NFAM1: variants seen among roughly 807,000 people sequenced by gnomAD.
The protein encoded by NFAM1 is NFAT activating protein with ITAM motif 1, also known as NFAT activation molecule 1.
Under a neutral mutation model 29.0 loss-of-function variants are expected in NFAM1, and 17 were observed. The observed-to-expected ratio is 0.59, with a 90% CI of 0.40 to 0.88. The LOEUF (loss-of-function observed/expected upper bound fraction) is 0.88, where lower values mean the gene tolerates loss of function less well. Ranked by LOEUF, NFAM1 falls within the 40% of genes least tolerant of loss-of-function variation. The probability of loss-of-function intolerance (pLI) is 0.00; values close to 1 mark genes in which losing one functional copy is unlikely to be tolerated. For missense variants in NFAM1, 324 were observed against 344.6 expected (o/e 0.94, Z 0.47); for synonymous variants, 175 against 147.2 (o/e 1.19, Z -1.36).
At chr22:42,399,637 G>A (rs922367511) in intron 3 of NFAM1, among the ~76,000 whole-genome samples, 19 of 152,080 alleles carry the variant, frequency 1.2e-4, no homozygotes, top group African/African-American at 4.6e-4. Context: ...GAAAGCTCCC[G>A]CTGGTCACAG....
intron 4 of NFAM1, among the ~76,000 whole-genome samples, chr22:42,395,649 G>C (rs1929495294): frequency 6.6e-6 from 1 of 151,910 alleles, no homozygotes; most frequent in South Asian, 2.1e-4. Flanking sequence ...TTGGGAGGCT[G>C]AGGTGGGCGG....
At chr22:42,428,748 G>C (rs1930706101) in intron 1 of NFAM1, among the ~76,000 whole-genome samples, 1 of 152,192 alleles carries the variant, frequency 6.6e-6, no homozygotes. Flanking sequence ...ATACAGCCCA[G>C]AGTTCTGGAA....
intron 1 of NFAM1, among the ~76,000 whole-genome samples, chr22:42,427,775 A>C (rs1020132122): frequency 6.6e-6 from 1 of 152,242 alleles, no homozygotes; most frequent in Admixed American, 6.5e-5. Context: ...CACAAAGTTC[A>C]CAAACAGGCA....
At chr22:42,394,409 G>A (rs1929451266) in intron 4 of NFAM1, among the ~76,000 whole-genome samples, 1 of 151,892 alleles carries the variant, frequency 6.6e-6, no homozygotes, top group African/African-American at 2.4e-5. Flanking sequence ...TGCCAAGACT[G>A]TCTCAGACTC....
At chr22:42,427,885 T>TG (rs1569237212) in intron 1 of NFAM1, among the ~76,000 whole-genome samples, 2 of 151,978 alleles carry the variant, frequency 1.3e-5, no homozygotes, top group Admixed American at 1.3e-4. Context: ...GTACCTTTGG[T>TG]GGGGCACGGA....
chr22:42,402,602 C>CT (rs947151802), intron 3 of NFAM1, among the ~76,000 whole-genome samples: 3 of 152,186 alleles, frequency 2.0e-5, no homozygotes, highest in Non-Finnish European at 2.9e-5. Context: ...GCGGAGTGTG[C>CT]TGTGAGGCGG....
intron 1 of NFAM1, among the ~76,000 whole-genome samples, chr22:42,426,360 G>A (rs574973210): frequency 2.6e-5 from 4 of 152,300 alleles, no homozygotes; most frequent in East Asian, 1.9e-4. Flanking sequence ...AATGGGGTGC[G>A]TGGGGAGCAG....
At chr22:42,433,831 T>C (rs1259487416), upstream of NFAM1, among the ~76,000 whole-genome samples, 1 of 152,206 alleles carries the variant, frequency 6.6e-6, no homozygotes, top group Non-Finnish European at 1.5e-5. Flanking sequence ...TGCTTCACGC[T>C]ATTCCTGGCT....
At chr22:42,424,276 A>C (rs751390101) in intron 1 of NFAM1, among the ~76,000 whole-genome samples, 1 of 152,088 alleles carries the variant, frequency 6.6e-6, no homozygotes, top group Non-Finnish European at 1.5e-5. Flanking sequence ...TTAGACGAGC[A>C]TGGTGGCAGG....
In NFAM1 at chr22:42,385,191, G is replaced by T. The variant is rs776881176; in HGVS notation, c.783C>A (p.Gly261=). 2.7e-5 allele frequency: 43 copies of T among 1,612,746 alleles called. No homozygotes were observed. The highest frequency in any genetic ancestry group is 6.6e-5 in the South Asian group (6 of 91,062). The change falls in exon 6 of 6, where the codon GGC becomes GGA. Residue 261 remains glycine, a synonymous_variant. Transcript: ENST00000329021. The part of the protein sequence containing the change: ...QERPHRFEDD[G]ELNLVYENL ...GATTTTCATAGACCAGGTTAAGTTC[G>T]CCATCATCTTCGAATCTATGCGGTC...
rs2294362 is a variant in NFAM1 at position 42,380,603 on chromosome 22, A to G, written c.*4558T>C. ...AGACTGGGGAAGCCCCCTCAGGTGG[A>G]CAAATGACATCCCCTGGCATTGCAA... On this transcript the variant is annotated 3_prime_UTR_variant, in exon 6 of 6. Transcript: ENST00000329021. The G allele has an allele frequency of 0.55, 83,350 of 152,498 alleles. 23,054 individuals are homozygous for G. Among genetic ancestry groups the G allele is most frequent in the Admixed American group, 0.62 (9,413 of 15,292 alleles). 9.4% of individuals were successfully genotyped at this position (152,498 alleles called of 1,614,324 possible).
chr22:42,409,161 G>A lies in NFAM1; in HGVS notation c.564+274C>T, dbSNP rs145868442. ...CTAGAAATGGTAGGCAGGAGGGCCT[G>A]CAGCCTCTCCCAGGTTCTCAGAGGG... On this transcript the variant is annotated intron_variant, in intron 3 of 5. Coordinates refer to ENST00000329021, the MANE Select transcript of NFAM1 (RefSeq NM_145912.8). This position sits in a 1 kb window ranked among gnomAD's most constrained non-coding sequence, Gnocchi z 4.9. 5.9e-5 allele frequency among the ~76,000 whole-genome samples: 9 copies of A among 152,324 alleles called. No homozygotes were observed. The highest frequency in any genetic ancestry group is 1.9e-4 in the East Asian group (1 of 5,188).
At chr22:42,428,392 G>A (rs1930692237) in intron 1 of NFAM1, among the ~76,000 whole-genome samples, 1 of 152,206 alleles carries the variant, frequency 6.6e-6, no homozygotes, top group East Asian at 1.9e-4. Flanking sequence ...CGGGAAGGGA[G>A]GCAGGAGGTC....
rs1930348798 is a variant in NFAM1, at chr22:42,419,009, T to C, written c.122-7273A>G. Among the ~76,000 whole-genome samples the C allele has an allele frequency of 6.6e-6, 1 of 152,130 alleles. No homozygotes were observed. The highest frequency in any genetic ancestry group is 2.4e-5 in the African/African-American group (1 of 41,430). Reference sequence around the variant, plus strand: ...GGTGCCTGAGTCCTTCCTTTTCCGGTTCTTCTTATGAATCTGTGGCTGCTT... The same window carrying C: ...GGTGCCTGAGTCCTTCCTTTTCCGGCTCTTCTTATGAATCTGTGGCTGCTT... On this transcript the variant is annotated intron_variant, in intron 1 of 5. Transcript: ENST00000329021. This position sits in a 1 kb window ranked among gnomAD's most constrained non-coding sequence, Gnocchi z 4.5.
At chr22:42,432,576 G>C (rs371885483), upstream of NFAM1, among the ~76,000 whole-genome samples, 218 of 152,286 alleles carry the variant, frequency 1.4e-3, no homozygotes, top group African/African-American at 5.2e-3. Context: ...GCTGGAGACG[G>C]GACCCAAGCC....
At chr22:42,417,260 C>T (rs751163191) in intron 1 of NFAM1, among the ~76,000 whole-genome samples, 6 of 152,324 alleles carry the variant, frequency 3.9e-5, no homozygotes, top group Middle Eastern at 3.4e-3. Flanking sequence ...AGAACTGGGA[C>T]GCATTTGTGA....
At chr22:42,401,449 G>C (rs545125973) in intron 3 of NFAM1, among the ~76,000 whole-genome samples, 1 of 152,106 alleles carries the variant, frequency 6.6e-6, no homozygotes, top group Non-Finnish European at 1.5e-5. Context: ...CCACAGATGC[G>C]GGGTGGACTG....
At chr22:42,404,283 C>T (rs1292485352) in intron 3 of NFAM1, among the ~76,000 whole-genome samples, 1 of 152,094 alleles carries the variant, frequency 6.6e-6, no homozygotes, top group African/African-American at 2.4e-5. Flanking sequence ...AACCGCGGTT[C>T]GGGTCCACCC....
chr22:42,432,754 G>C (rs1313342504), upstream of NFAM1, among the ~76,000 whole-genome samples: 1 of 152,170 alleles, frequency 6.6e-6, no homozygotes, highest in African/African-American at 2.4e-5. Context: ...ACGACCACAA[G>C]CATGTTCACA....
Sources: allele counts gnomAD v4.1 joint callset (sites outside exome capture counted in the v4.1 genomes callset), GRCh38; gene constraint gnomAD v4.1.1; non-coding constraint Gnocchi (gnomAD v3.1); transcripts MANE v1.5; gene names NCBI Gene and HGNC (gene_info 2026-07-23, HGNC 2026-07-21).